The following BZW2 variants were observed in gnomAD, a reference collection of about 807,000 sequenced individuals.
The protein encoded by BZW2 is eIF5-mimic protein 1.
In BZW2, 23 loss-of-function variants were observed where a neutral mutation model predicts 53.2. The observed-to-expected ratio is 0.43, with a 90% CI of 0.31 to 0.61. The LOEUF is 0.61. Among genes scored for constraint, BZW2 ranks in the 20% least tolerant of loss-of-function variants. BZW2 has a pLI of 0.09. For missense variants in BZW2, 409 were observed against 503.1 expected, an observed-to-expected ratio of 0.81 and a Z score of 1.79; for synonymous variants, 227 against 186.4, an observed-to-expected ratio of 1.22 and a Z score of -1.77.
At chr7:16,680,676 A>G (rs928002201) in intron 3 of BZW2, among the ~76,000 whole-genome samples, 1 of 151,916 alleles carries the variant, frequency 6.6e-6, no homozygotes, top group African/African-American at 2.4e-5. Context: ...GCATGGTGGC[A>G]CACACCTGTG....
intron 1 of BZW2, among the ~76,000 whole-genome samples, chr7:16,650,920 C>A (rs1219692024): frequency 6.6e-6 from 1 of 152,154 alleles, no homozygotes; most frequent in Non-Finnish European, 1.5e-5. Flanking sequence ...TTGAATAACT[C>A]ATTGAATGAA....
At chr7:16,655,516 T>G (rs1191535002) in intron 1 of BZW2, among the ~76,000 whole-genome samples, 1 of 152,182 alleles carries the variant, frequency 6.6e-6, no homozygotes, top group Non-Finnish European at 1.5e-5. Flanking sequence ...ATCATTTCTT[T>G]CTGGTAAGAA....
intron 2 of BZW2, among the ~76,000 whole-genome samples, chr7:16,672,088 G>C (rs921832136): frequency 3.5e-4 from 53 of 152,180 alleles, no homozygotes; most frequent in Middle Eastern, 3.4e-3. Flanking sequence ...TATCACCCCG[G>C]AAACTTCAGA....
chr7:16,651,606 A>G (rs536493732), intron 1 of BZW2, among the ~76,000 whole-genome samples: 1 of 152,334 alleles, frequency 6.6e-6, no homozygotes, highest in African/African-American at 2.4e-5. Context: ...CGGTGTTAGT[A>G]TTTGGGAGTG....
At chr7:16,657,609 G>A (rs1782153531) in intron 1 of BZW2, among the ~76,000 whole-genome samples, 1 of 152,270 alleles carries the variant, frequency 6.6e-6, no homozygotes, top group Middle Eastern at 3.4e-3. Context: ...GTTAGTATCA[G>A]AGACTGGGAA....
intron 1 of BZW2, among the ~76,000 whole-genome samples, chr7:16,650,406 A>G (rs1313364871): frequency 6.6e-6 from 1 of 152,198 alleles, no homozygotes; most frequent in Admixed American, 6.5e-5. Context: ...ATTCCAAAAA[A>G]AAAGAGTACC....
rs532997105 is a variant in BZW2 at position 16,705,418 on chromosome 7, G to A, written c.1232-642G>A. On this transcript the variant is annotated intron_variant, in intron 11 of 11. Coordinates refer to ENST00000258761, the MANE Select transcript of BZW2 (RefSeq NM_014038.3). Reference sequence around the variant, plus strand: ...TAAAAAGTTCAGGCCAGGCACGGTGGCTCACGCCTGTAATCCCAGCACTTT... The same window carrying A: ...TAAAAAGTTCAGGCCAGGCACGGTGACTCACGCCTGTAATCCCAGCACTTT... Among the ~76,000 whole-genome samples, 5 of 152,204 alleles carry A rather than the reference G, an allele frequency of 3.3e-5. No individual in the cohort carries two copies. In the East Asian group the frequency reaches 9.6e-4, roughly 29 times the overall value.
chr7:16,684,937 A>G (rs1054377175), intron 5 of BZW2, among the ~76,000 whole-genome samples: 7 of 152,198 alleles, frequency 4.6e-5, no homozygotes, highest in Admixed American at 1.3e-4. Context: ...TGGAATAATC[A>G]TGTCATCAGG....
At chr7:16,681,755 C>A (rs530971339) in intron 4 of BZW2, among the ~76,000 whole-genome samples, 1 of 152,144 alleles carries the variant, frequency 6.6e-6, no homozygotes, top group African/African-American at 2.4e-5. Context: ...TCACTTGAAC[C>A]CAGAAGGCGG....
At chr7:16,700,962 A>G (rs1330652010) in intron 10 of BZW2, 1 of 152,120 alleles carries the variant, frequency 6.6e-6, no homozygotes, top group Admixed American at 6.6e-5. Context: ...CCCTTTCCCA[A>G]CATGTCCAGA....
At chr7:16,685,780 T>C (rs1562491111) in intron 5 of BZW2, 125 bp from the exon 6 acceptor site, 4 of 1,225,782 alleles carry the variant, frequency 3.3e-6, no homozygotes. Flanking sequence ...TGACCTTCTG[T>C]TTGTGTGCCA....
chr7:16,655,569 C>T, intron 1 of BZW2, among the ~76,000 whole-genome samples: 1 of 152,218 alleles, frequency 6.6e-6, no homozygotes, highest in East Asian at 1.9e-4. Flanking sequence ...GTATATGATA[C>T]ATTATTGTTA....
At position 16,685,850 on chromosome 7, in the gene BZW2, GT is replaced by G. The variant is rs1486303960; in HGVS notation, c.406-53del. The G allele has an allele frequency of 3.4e-6, 5 of 1,473,244 alleles. No homozygotes were observed. In the South Asian group the frequency reaches 5.5e-5, roughly 16 times the overall value. 91.3% of individuals were successfully genotyped at this position (1,473,244 alleles called of 1,614,324 possible). ...TTCAGTCCTTTGCTTCATAGACATG[GT>G]TCCTTTTTTTTTCTTTTTCTTTTTC... is the stretch of plus-strand genomic sequence containing the variant. On this transcript the variant is annotated intron_variant, in intron 5 of 11. Coordinates refer to ENST00000258761, the MANE Select transcript of BZW2 (RefSeq NM_014038.3).
At chr7:16,654,504 A>G (rs1435465389) in intron 1 of BZW2, among the ~76,000 whole-genome samples, 2 of 106,120 alleles carry the variant, frequency 1.9e-5, no homozygotes, top group African/African-American at 4.2e-5. Flanking sequence ...TTTTTTCTGT[A>G]TATAACCCCC....
intron 3 of BZW2, among the ~76,000 whole-genome samples, chr7:16,678,795 G>A (rs818510): frequency 0.2 from 30,888 of 151,620 alleles, 3,305 homozygotes; most frequent in East Asian, 0.38. Flanking sequence ...GAGTACAAAA[G>A]TAAGAAATTT....
intron 2 of BZW2, among the ~76,000 whole-genome samples, chr7:16,672,685 C>A (rs779350202): frequency 7.9e-5 from 12 of 152,180 alleles, no homozygotes; most frequent in Non-Finnish European, 1.5e-4. Context: ...TTAATCCACT[C>A]ATTCTTTTCC....
intron 2 of BZW2, among the ~76,000 whole-genome samples, chr7:16,671,465 C>G (rs1179168559): frequency 6.6e-6 from 1 of 152,190 alleles, no homozygotes; most frequent in Non-Finnish European, 1.5e-5. Context: ...ATACAAAACA[C>G]TTAAGGAAAA....
chr7:16,681,292 T>G lies in BZW2; in HGVS notation c.236-9T>G. The stretch of plus-strand genomic sequence containing the variant: ...ATTATCCTAATTACAATTACCTTTC[T>G]CTTTTTAGCCCCTGGAGGAACGCGC... On this transcript the variant is annotated splice_polypyrimidine_tract_variant and intron_variant, in intron 3 of 11. Coordinates refer to ENST00000258761, the MANE Select transcript of BZW2 (RefSeq NM_014038.3). 1.2e-6 allele frequency: 2 copies of G among 1,609,020 alleles called. No homozygotes were observed. Among genetic ancestry groups the G allele is most frequent in the Non-Finnish European group, 1.7e-6 (2 of 1,175,874 alleles).
chr7:16,698,260 G>A, intron 10 of BZW2, 74 bp downstream of exon 10: 1 of 1,573,710 alleles, frequency 6.4e-7, no homozygotes, highest in African/African-American at 1.3e-5. Flanking sequence ...AGGCAATGAG[G>A]CAGAGGAGGT....
Sources: gnomAD v4.1 joint callset for allele counts (sites outside exome capture counted in the v4.1 genomes callset) on GRCh38, gnomAD v4.1.1 for gene constraint, MANE v1.5 for transcripts, NCBI Gene and HGNC (gene_info 2026-07-23, HGNC 2026-07-21) for gene names.